ITPR2: variants seen among roughly 807,000 people sequenced by gnomAD.
ITPR2 encodes inositol 1,4,5-trisphosphate-gated calcium channel ITPR2.
In ITPR2, 207 loss-of-function variants were observed where a neutral mutation model predicts 317.1. The ratio of observed to expected loss-of-function variants is 0.65; its 90% CI spans 0.58 to 0.73. The LOEUF is 0.73. ITPR2 is among the 30% of genes least tolerant of loss of function. ITPR2 has a pLI of 0.00. For synonymous variants in ITPR2, 1,156 were observed against 1,149.1 expected (o/e 1.01, Z -0.12); for missense variants, 2,613 against 3,284.0 (o/e 0.80, Z 4.99).
At chr12:26,753,555 C>T (rs1434506503) in intron 2 of ITPR2, among the ~76,000 whole-genome samples, 1 of 152,164 alleles carries the variant, frequency 6.6e-6, no homozygotes, top group African/African-American at 2.4e-5. Flanking sequence ...CTCGCCTTCC[C>T]CACCCTGCTT....
chr12:26,566,253 G>A (rs1181447547), intron 34 of ITPR2, among the ~76,000 whole-genome samples: 1 of 130,914 alleles, frequency 7.6e-6, no homozygotes, highest in East Asian at 2.6e-4. Context: ...AGAGGTGAGA[G>A]GAGAGGGAGA....
At chr12:26,556,562 T>G (rs201390438) in intron 35 of ITPR2, among the ~76,000 whole-genome samples, 187 bp from the exon 36 acceptor site, 4,515 of 99,132 alleles carry the variant, frequency 0.046, 190 homozygotes, top group African/African-American at 0.12. Flanking sequence ...CTCTATTTTT[T>G]TTTTTGTGTG....
chr12:26,441,793 C>A (rs989841443), intron 46 of ITPR2, among the ~76,000 whole-genome samples: 6 of 152,136 alleles, frequency 3.9e-5, no homozygotes, highest in Non-Finnish European at 7.4e-5. Flanking sequence ...ATACATGGCA[C>A]CAACTTCTGC....
intron 54 of ITPR2, among the ~76,000 whole-genome samples, chr12:26,389,902 A>AT (rs1335648247): frequency 1.3e-5 from 2 of 152,216 alleles, no homozygotes; most frequent in Admixed American, 6.5e-5. Context: ...TATTACATTT[A>AT]TTATGTATTG....
At chr12:26,790,630 C>T (rs971094826) in intron 1 of ITPR2, among the ~76,000 whole-genome samples, 1 of 150,744 alleles carries the variant, frequency 6.6e-6, no homozygotes, top group Non-Finnish European at 1.5e-5. Context: ...TCTACACATA[C>T]ATATATAAGG....
At position 26,821,944 on chromosome 12, in the gene ITPR2, T is replaced by G. The variant is rs965234963; in HGVS notation, c.92+10746A>C. On this transcript the variant is annotated intron_variant, in intron 1 of 56. Transcript: ENST00000381340. The stretch of plus-strand genomic sequence containing the variant: ...AACAACTTTTAAACCAGTTTTGTTT[T>G]GGGTTTTTGTCAGGTTTTGTTTGCT... Among the ~76,000 whole-genome samples the G allele has an allele frequency of 3.3e-5, 5 of 152,238 alleles. No individual in the cohort carries two copies. In the East Asian group the frequency reaches 9.6e-4, roughly 29 times the overall value.
chr12:26,416,300 G>A (rs1426724424), intron 50 of ITPR2, among the ~76,000 whole-genome samples: 1 of 152,118 alleles, frequency 6.6e-6, no homozygotes, highest in Non-Finnish European at 1.5e-5. Context: ...ACATTATAAA[G>A]TTGAAATTAT....
At chr12:26,769,023 A>ACACACACACACC (rs1303105027) in intron 2 of ITPR2, among the ~76,000 whole-genome samples, 2 of 150,410 alleles carry the variant, frequency 1.3e-5, no homozygotes, top group African/African-American at 5.0e-5. Context: ...ACACACACAC[A>ACACACACACACC]CACCCCAATC....
chr12:26,630,971 G>C (rs906522766), intron 22 of ITPR2, among the ~76,000 whole-genome samples: 5 of 152,122 alleles, frequency 3.3e-5, no homozygotes, highest in African/African-American at 1.2e-4. Context: ...AATTCCTAGA[G>C]GAACTGTGAA....
intron 26 of ITPR2, among the ~76,000 whole-genome samples, chr12:26,619,959 T>C (rs1422695224): frequency 1.3e-5 from 2 of 152,156 alleles, no homozygotes; most frequent in Admixed American, 6.5e-5. Flanking sequence ...GTCACACATA[T>C]ACCAAGTGGC....
intron 54 of ITPR2, among the ~76,000 whole-genome samples, chr12:26,396,498 G>A (rs139008796): frequency 2.2e-4 from 34 of 152,186 alleles, no homozygotes; most frequent in African/African-American, 8.0e-4. Context: ...ACCCCTTCCT[G>A]CTTCTCCTCA....
chr12:26,714,648 G>C (rs1948706176), intron 8 of ITPR2, among the ~76,000 whole-genome samples: 1 of 152,154 alleles, frequency 6.6e-6, no homozygotes. Context: ...AAATGGTTGA[G>C]AATCACCGCT....
At chr12:26,427,881 T>C (rs1818135) in intron 49 of ITPR2, 32 bp downstream of exon 49, 237,457 of 1,360,348 alleles carry the variant, frequency 0.17, 24,136 homozygotes, top group East Asian at 0.44. Context: ...AAACTAATTC[T>C]GTAACAGTAC....
chr12:26,711,693 C>T (rs954422360), intron 8 of ITPR2, among the ~76,000 whole-genome samples: 5 of 152,208 alleles, frequency 3.3e-5, no homozygotes, highest in Admixed American at 2.6e-4. Flanking sequence ...AGAGAGCCAG[C>T]GAACAAAGAA....
intron 48 of ITPR2, among the ~76,000 whole-genome samples, chr12:26,433,676 C>T (rs1565524050): frequency 1.3e-5 from 2 of 152,094 alleles, no homozygotes; most frequent in African/African-American, 2.4e-5. Flanking sequence ...AGAGAGTTCA[C>T]AGTCCAGTTA....
chr12:26,392,091 T>C (rs997235066), intron 54 of ITPR2, among the ~76,000 whole-genome samples: 4 of 152,194 alleles, frequency 2.6e-5, no homozygotes, highest in African/African-American at 9.7e-5. Context: ...TACCATCATC[T>C]TGCTGATGTT....
chr12:26,675,742 T>A (rs929278909), intron 13 of ITPR2, among the ~76,000 whole-genome samples: 1 of 151,442 alleles, frequency 6.6e-6, no homozygotes, highest in Non-Finnish European at 1.5e-5. Context: ...CAGTGAAGAA[T>A]AACAAGTCTA....
intron 32 of ITPR2, among the ~76,000 whole-genome samples, chr12:26,587,851 T>C (rs895802708): frequency 1.3e-5 from 2 of 151,688 alleles, no homozygotes; most frequent in South Asian, 2.1e-4. Context: ...TATGAGGCTA[T>C]TGCAATCATC....
At chr12:26,457,109 A>G (rs1941908601) in intron 45 of ITPR2, among the ~76,000 whole-genome samples, 1 of 152,236 alleles carries the variant, frequency 6.6e-6, no homozygotes, top group Non-Finnish European at 1.5e-5. Context: ...TGGAGGAGAC[A>G]TAAACAAATA....
Sources: gnomAD v4.1 joint callset for allele counts (sites outside exome capture counted in the v4.1 genomes callset) on GRCh38, gnomAD v4.1.1 for gene constraint, MANE v1.5 for transcripts, NCBI Gene and HGNC (gene_info 2026-07-23, HGNC 2026-07-21) for gene names.